INPP5A: variants seen among roughly 807,000 people sequenced by gnomAD.
INPP5A encodes 43 kDa inositol polyphosphate 5-phophatase.
A neutral mutation model predicts 65.2 loss-of-function variants in INPP5A; 14 were observed. That is an observed-to-expected ratio of 0.21 (90% CI 0.14 to 0.34). The LOEUF is 0.34. Among genes scored for constraint, INPP5A ranks in the 10% least tolerant of loss-of-function variants. The probability of loss-of-function intolerance (pLI) is 1.00; values close to 1 mark genes in which losing one functional copy is unlikely to be tolerated. For synonymous variants in INPP5A, 207 were observed against 208.3 expected (o/e 0.99, Z 0.05); for missense variants, 431 against 545.6 (o/e 0.79, Z 2.09).
At chr10:132,609,996 C>T (rs908380174) in intron 2 of INPP5A, among the ~76,000 whole-genome samples, 6 of 152,176 alleles carry the variant, frequency 3.9e-5, no homozygotes, top group Non-Finnish European at 7.4e-5. Context: ...AAATTTTGTC[C>T]CAATCAAGCC....
intron 9 of INPP5A, among the ~76,000 whole-genome samples, chr10:132,749,024 C>T (rs1006566406): frequency 6.6e-6 from 1 of 152,252 alleles, no homozygotes; most frequent in Non-Finnish European, 1.5e-5. Context: ...CCTCAGCCAT[C>T]CCTCCCACGT....
At chr10:132,660,459 T>C (rs1207539701) in intron 4 of INPP5A, among the ~76,000 whole-genome samples, 2 of 152,152 alleles carry the variant, frequency 1.3e-5, no homozygotes, top group African/African-American at 4.8e-5. Context: ...AGGAAACTTC[T>C]TAGGAGGAAG....
chr10:132,734,293 G>A (rs558667999), intron 9 of INPP5A, among the ~76,000 whole-genome samples: 1 of 152,326 alleles, frequency 6.6e-6, no homozygotes, highest in Non-Finnish European at 1.5e-5. Context: ...CCCTGAGGCT[G>A]TGCGCTTCTC....
chr10:132,683,678 T>A (rs1229577232), intron 4 of INPP5A, among the ~76,000 whole-genome samples: 1 of 152,238 alleles, frequency 6.6e-6, no homozygotes, highest in Admixed American at 6.5e-5. Context: ...AAGTAGTCTT[T>A]ATGTGCAACA....
At chr10:132,557,840 C>G (rs73395346) in intron 1 of INPP5A, among the ~76,000 whole-genome samples, 2,133 of 152,272 alleles carry the variant, frequency 0.014, 47 homozygotes, top group African/African-American at 0.048. Flanking sequence ...TACCCTGGGT[C>G]TCTGTTCAGA....
chr10:132,614,519 G>T (rs906568449), intron 2 of INPP5A, among the ~76,000 whole-genome samples: 3 of 152,182 alleles, frequency 2.0e-5, no homozygotes, highest in Admixed American at 6.5e-5. Flanking sequence ...CCCTGTGCTG[G>T]CCTCCTCAGC....
intron 1 of INPP5A, among the ~76,000 whole-genome samples, chr10:132,585,655 G>A (rs2071536431): frequency 6.6e-6 from 1 of 152,232 alleles, no homozygotes. Context: ...AAAGCCAGGA[G>A]CAATGATGAC....
In INPP5A at chr10:132,708,792, C is replaced by T. The variant is rs574688037; in HGVS notation, c.527+427C>T. ...CGTAGCGGAGCCTGCGTCTCATCCA[C>T]ATATCCTCTGGCCTGGCCTTTCTGC... On this transcript the variant is annotated intron_variant, in intron 7 of 15. Coordinates refer to ENST00000368594, the MANE Select transcript of INPP5A (RefSeq NM_005539.5). Among the ~76,000 whole-genome samples the T allele has an allele frequency of 2.6e-5, 4 of 152,330 alleles. No individual in the cohort carries two copies. In the East Asian group the frequency reaches 7.7e-4, roughly 29 times the overall value.
At chr10:132,763,366 C>T (rs753244756) in intron 11 of INPP5A, among the ~76,000 whole-genome samples, 8 of 152,364 alleles carry the variant, frequency 5.3e-5, no homozygotes, top group Non-Finnish European at 7.3e-5. Flanking sequence ...GCAGGGCCCA[C>T]GCTGGACTGG....
intron 1 of INPP5A, among the ~76,000 whole-genome samples, chr10:132,570,922 G>A (rs748450422): frequency 9.9e-5 from 15 of 152,242 alleles, no homozygotes; most frequent in African/African-American, 1.7e-4. Context: ...TCGGCACAGC[G>A]GCGCATCACA....
intron 1 of INPP5A, among the ~76,000 whole-genome samples, chr10:132,552,954 G>A (rs1409016147): frequency 7.5e-4 from 67 of 89,490 alleles, no homozygotes; most frequent in South Asian, 1.6e-3. Context: ...TGGAATATTG[G>A]GTAGGATAGG....
intron 1 of INPP5A, among the ~76,000 whole-genome samples, chr10:132,571,792 G>T (rs1447350124): frequency 2.6e-5 from 4 of 152,202 alleles, no homozygotes; most frequent in African/African-American, 9.7e-5. Context: ...TTGCACAGAT[G>T]GAAAGACAGG....
chr10:132,543,744 ATAT>A (rs1267643774), intron 1 of INPP5A, among the ~76,000 whole-genome samples: 3 of 152,252 alleles, frequency 2.0e-5, no homozygotes, highest in African/African-American at 7.2e-5. Context: ...TGGCTGAATA[ATAT>A]TCCATTGTGT....
At chr10:132,781,804 A>ATGTGC in intron 14 of INPP5A, 57 bp from the exon 15 acceptor site, 1 of 1,416,348 alleles carries the variant, frequency 7.1e-7, no homozygotes. Context: ...AGGCGGCGGC[A>ATGTGC]TGTGCTGTGC....
intron 1 of INPP5A, among the ~76,000 whole-genome samples, chr10:132,584,430 C>T (rs2133304209): frequency 6.6e-6 from 1 of 152,232 alleles, no homozygotes; most frequent in Non-Finnish European, 1.5e-5. Flanking sequence ...GTTTTCTATT[C>T]ATTATGTGCC....
At chr10:132,619,032 A>G (rs1339799406) in intron 2 of INPP5A, among the ~76,000 whole-genome samples, 1 of 152,170 alleles carries the variant, frequency 6.6e-6, no homozygotes, top group Admixed American at 6.5e-5. Flanking sequence ...CCCAGATCTC[A>G]TGTTCTTCTC....
rs1009398602 is a variant in INPP5A at position 132,551,714 on chromosome 10, G to A, written c.75+13543G>A. On this transcript the variant is annotated intron_variant, in intron 1 of 15. Coordinates refer to ENST00000368594, the MANE Select transcript of INPP5A (RefSeq NM_005539.5). This position sits in a 1 kb window ranked among gnomAD's most constrained non-coding sequence, Gnocchi z 5.3. Reference sequence around the variant, plus strand: ...ACACAGGTGGAAGGTGGAGGCCTGGGCCCAGGCTGGAGGGACGTGGGGTGG... The same window carrying A: ...ACACAGGTGGAAGGTGGAGGCCTGGACCCAGGCTGGAGGGACGTGGGGTGG... Among the ~76,000 whole-genome samples, 1 of 152,202 alleles carries A rather than the reference G, an allele frequency of 6.6e-6. No individual in the cohort carries two copies. Among genetic ancestry groups the A allele is most frequent in the Non-Finnish European group, 1.5e-5 (1 of 68,040 alleles).
chr10:132,607,890 T>TA, intron 1 of INPP5A, 25 bp from the exon 2 acceptor site: 1 of 1,604,232 alleles, frequency 6.2e-7, no homozygotes, highest in Non-Finnish European at 8.5e-7. Context: ...TCTGACTGGC[T>TA]TTTCTTTTTC....
chr10:132,691,024 T>C (rs2767423), intron 5 of INPP5A, among the ~76,000 whole-genome samples: 14,779 of 152,298 alleles, frequency 0.097, 776 homozygotes, highest in Middle Eastern at 0.11. Flanking sequence ...CGTTTCCTGC[T>C]GTGTGTGAGT....
Sources: gnomAD v4.1 joint callset for allele counts (sites outside exome capture counted in the v4.1 genomes callset) on GRCh38, gnomAD v4.1.1 for gene constraint, Gnocchi (gnomAD v3.1) non-coding constraint, MANE v1.5 for transcripts, NCBI Gene and HGNC (gene_info 2026-07-23, HGNC 2026-07-21) for gene names.